AUTS2: variants seen among roughly 807,000 people sequenced by gnomAD.
AUTS2 encodes the protein autism susceptibility gene 2 protein.
AUTS2 carries 17 observed loss-of-function variants against 112.4 expected under a neutral mutation model. That is an observed-to-expected ratio of 0.15 (90% CI 0.10 to 0.23). The LOEUF (loss-of-function observed/expected upper bound fraction) is 0.23, where lower values mean the gene tolerates loss of function less well. AUTS2 is among the 10% of genes least tolerant of loss of function. AUTS2 has a pLI of 1.00. For missense variants in AUTS2, 1,510 were observed against 1,701.6 expected (o/e 0.89, Z 1.98); for synonymous variants, 751 against 702.7 (o/e 1.07, Z -1.09).
At chr7:70,265,356 A>T (rs536927924) in intron 4 of AUTS2, among the ~76,000 whole-genome samples, 1 of 152,122 alleles carries the variant, frequency 6.6e-6, no homozygotes, top group Non-Finnish European at 1.5e-5. Context: ...TGAATTAAGT[A>T]TGCAGTTTGT....
chr7:70,194,236 C>T (rs1303142066), intron 4 of AUTS2, among the ~76,000 whole-genome samples: 3 of 152,086 alleles, frequency 2.0e-5, no homozygotes, highest in Non-Finnish European at 4.4e-5. Flanking sequence ...ATGGTGAAAC[C>T]CTGTCTCTAC....
intron 1 of AUTS2, among the ~76,000 whole-genome samples, chr7:69,614,112 G>T: frequency 6.6e-6 from 1 of 152,020 alleles, no homozygotes; most frequent in Non-Finnish European, 1.5e-5. Context: ...ATTTCCCCTC[G>T]GCTAAGATGG....
Position 70,416,969 on chromosome 7 carries a change from G to A in AUTS2, c.661-18783G>A, listed in dbSNP as rs546513873. Among the ~76,000 whole-genome samples, 3 of 152,290 alleles carry A rather than the reference G, an allele frequency of 2.0e-5. No individual in the cohort carries two copies. The South Asian group carries it at 6.2e-4, about 32-fold the overall frequency. On this transcript the variant is annotated intron_variant, in intron 4 of 18. Coordinates refer to ENST00000342771, the MANE Select transcript of AUTS2 (RefSeq NM_015570.4). ...CTCACACAGGGATGATTTGAAACAA[G>A]CCTTGTGGCTTTTTAATAATGTGCC...
intron 1 of AUTS2, among the ~76,000 whole-genome samples, chr7:69,773,277 G>A (rs1339873505): frequency 6.6e-6 from 1 of 152,096 alleles, no homozygotes; most frequent in Admixed American, 6.5e-5. Flanking sequence ...CCAGCACTGT[G>A]GGAGGCCAAG....
chr7:69,927,724 G>A (rs1248705414), intron 2 of AUTS2, among the ~76,000 whole-genome samples: 1 of 152,246 alleles, frequency 6.6e-6, no homozygotes, highest in Non-Finnish European at 1.5e-5. Context: ...GCTGCAGTGG[G>A]GAGGGCAGCT....
chr7:70,285,825 G>A (rs1289980052), intron 4 of AUTS2, among the ~76,000 whole-genome samples: 1 of 152,164 alleles, frequency 6.6e-6, no homozygotes, highest in Admixed American at 6.5e-5. Flanking sequence ...GTAAGATGCT[G>A]GAATATGTTA....
At chr7:70,377,325 A>AATATATATATATAT (rs58244266) in intron 4 of AUTS2, among the ~76,000 whole-genome samples, 59 of 52,068 alleles carry the variant, frequency 1.1e-3, no homozygotes, top group Non-Finnish European at 1.8e-3. Flanking sequence ...AACAAATATA[A>AATATATATATATAT]ATATATATAT....
chr7:70,744,946 T>A (rs1788355354), intron 6 of AUTS2, among the ~76,000 whole-genome samples: 1 of 152,086 alleles, frequency 6.6e-6, no homozygotes, highest in Admixed American at 6.5e-5. Context: ...GGCCACCTTT[T>A]CATCATCGCC....
intron 1 of AUTS2, among the ~76,000 whole-genome samples, chr7:69,884,100 G>T (rs926873068): frequency 9.9e-5 from 15 of 152,182 alleles, no homozygotes; most frequent in African/African-American, 3.4e-4. Context: ...GAAGGAAATT[G>T]TTTAAAGTGT....
chr7:70,533,271 A>G (rs1384210030), intron 5 of AUTS2, among the ~76,000 whole-genome samples: 1 of 152,126 alleles, frequency 6.6e-6, no homozygotes, highest in East Asian at 1.9e-4. Context: ...ATGGACCACC[A>G]TGCCCAGCTA....
rs3078161 is a variant in AUTS2, at chr7:70,243,231, TTGTGTGTGTGTGTG to T, written c.660+108696_660+108709del. On this transcript the variant is annotated intron_variant, in intron 4 of 18. Coordinates refer to ENST00000342771, the MANE Select transcript of AUTS2 (RefSeq NM_015570.4). ...AAAATAGAGAGGAAAGAATGTATCC[TTGTGTGTGTGTGTG>T]TGTGTGTGTGTGTGTGTGTGTGTGT... 7.6e-3 allele frequency among the ~76,000 whole-genome samples: 996 copies of T among 131,748 alleles called. 9 individuals carry two copies. The highest frequency in any genetic ancestry group is 0.024 in the African/African-American group (857 of 35,254). 86.4% of individuals were successfully genotyped at this position (131,748 alleles called of 152,430 possible).
chr7:70,187,438 T>G (rs1809661776), intron 4 of AUTS2, among the ~76,000 whole-genome samples: 1 of 152,238 alleles, frequency 6.6e-6, no homozygotes, highest in Admixed American at 6.5e-5. Flanking sequence ...GGTATTTACA[T>G]GAATTTTTTT....
At chr7:69,921,788 G>A (rs577011629) in intron 2 of AUTS2, among the ~76,000 whole-genome samples, 67 of 147,456 alleles carry the variant, frequency 4.5e-4, no homozygotes, top group African/African-American at 9.6e-4. Context: ...AAAAAAGGCC[G>A]GGCATGGTAG....
chr7:70,029,426 T>A (rs906828807), intron 2 of AUTS2, among the ~76,000 whole-genome samples: 1 of 152,114 alleles, frequency 6.6e-6, no homozygotes, highest in Non-Finnish European at 1.5e-5. Context: ...TTCTTTGAGC[T>A]CCTTGAGTAT....
chr7:69,918,277 GT>G (rs1375627161), intron 2 of AUTS2, among the ~76,000 whole-genome samples: 2 of 152,128 alleles, frequency 1.3e-5, no homozygotes, highest in Non-Finnish European at 2.9e-5. Flanking sequence ...GTTCAAAAAC[GT>G]AAAAAAGATC....
rs962553651 is a variant in AUTS2, at chr7:70,568,051, CAGAA to C, written c.691-130514_691-130511del. ...GGAAATGTATGCTTAGCAAATGTTG[CAGAA>C]AGAGTTTATTCGGAGTCATAGAGCC... is the stretch of plus-strand genomic sequence containing the variant. On this transcript the variant is annotated intron_variant, in intron 5 of 18. Coordinates refer to ENST00000342771, the MANE Select transcript of AUTS2 (RefSeq NM_015570.4). Among the ~76,000 whole-genome samples the C allele has an allele frequency of 3.3e-5, 5 of 152,328 alleles. No individual in the cohort carries two copies. The East Asian group carries it at 7.7e-4, about 24-fold the overall frequency.
intron 4 of AUTS2, among the ~76,000 whole-genome samples, chr7:70,159,692 T>C (rs1807974862): frequency 6.6e-6 from 1 of 152,200 alleles, no homozygotes; most frequent in South Asian, 2.1e-4. Context: ...GCAGATAATC[T>C]TCTAACTATA....
intron 5 of AUTS2, among the ~76,000 whole-genome samples, chr7:70,688,317 T>A (rs974425501): frequency 1.3e-5 from 2 of 152,100 alleles, no homozygotes; most frequent in African/African-American, 4.8e-5. Flanking sequence ...GTGAATTCTA[T>A]CCACAAGAAA....
intron 1 of AUTS2, among the ~76,000 whole-genome samples, chr7:69,826,501 G>A (rs1056267719): frequency 3.3e-5 from 5 of 152,188 alleles, no homozygotes; most frequent in African/African-American, 1.2e-4. Context: ...GGCTGTCATA[G>A]TTGAATCCTT....
Sources: allele counts gnomAD v4.1 joint callset (sites outside exome capture counted in the v4.1 genomes callset), GRCh38; gene constraint gnomAD v4.1.1; transcripts MANE v1.5; gene names NCBI Gene and HGNC (gene_info 2026-07-23, HGNC 2026-07-21).